Variants in LCORL observed in about 807,000 individuals in gnomAD.
LCORL encodes the protein ligand dependent nuclear receptor corepressor like, also known as ligand-dependent nuclear receptor corepressor-like protein.
In LCORL, 41 loss-of-function variants were observed where a neutral mutation model predicts 141.8. The ratio of observed to expected loss-of-function variants is 0.29; its 90% CI spans 0.23 to 0.38. LCORL has a LOEUF of 0.38. LCORL is among the 10% of genes least tolerant of loss of function. LCORL has a pLI of 1.00. For synonymous variants in LCORL, 618 were observed against 694.1 expected (o/e 0.89, Z 1.72); for missense variants, 1,759 against 2,035.0 (o/e 0.86, Z 2.61).
At chr4:17,853,049 AT>A (rs67695626) in intron 7 of LCORL, among the ~76,000 whole-genome samples, 74,260 of 125,062 alleles carry the variant, frequency 0.59, 23,330 homozygotes, top group Non-Finnish European at 0.73. Context: ...TAAAAGCTTG[AT>A]TTTTTTTTTT....
intron 2 of LCORL, among the ~76,000 whole-genome samples, chr4:17,964,397 A>G (rs1714443161): frequency 6.6e-6 from 1 of 152,146 alleles, no homozygotes; most frequent in Non-Finnish European, 1.5e-5. Flanking sequence ...TTTATAAACT[A>G]TGAAGCACCA....
At chr4:18,019,390 A>G (rs1725135369) in intron 1 of LCORL, among the ~76,000 whole-genome samples, 1 of 152,250 alleles carries the variant, frequency 6.6e-6, no homozygotes, top group Non-Finnish European at 1.5e-5. Context: ...GGGCTTAATT[A>G]GGATGGAGAC....
At chr4:17,993,691 G>A (rs1720434810) in intron 1 of LCORL, among the ~76,000 whole-genome samples, 1 of 152,138 alleles carries the variant, frequency 6.6e-6, no homozygotes, top group Non-Finnish European at 1.5e-5. Context: ...GGAAAGTCTT[G>A]AAGAAGTCAA....
exon 7 of LCORL, chr4:17,874,841 A>G: frequency 8.1e-7 from 1 of 1,233,730 alleles, no homozygotes; most frequent in Non-Finnish European, 1.0e-6. Context: ...TATCTTTGTA[A>G]GCTATTTTCA....
intron 4 of LCORL, among the ~76,000 whole-genome samples, chr4:17,927,255 G>A (rs947746198): frequency 1.3e-5 from 2 of 152,098 alleles, no homozygotes; most frequent in African/African-American, 2.4e-5. Context: ...GGCCTCCAAC[G>A]AATTAAAGAG....
intron 5 of LCORL, among the ~76,000 whole-genome samples, chr4:17,889,110 T>C (rs1246789776): frequency 1.3e-5 from 2 of 152,086 alleles, no homozygotes; most frequent in Non-Finnish European, 2.9e-5. Flanking sequence ...AGCTCTCTAC[T>C]TGGGGCAATA....
chr4:17,899,850 T>C (rs972658299), intron 5 of LCORL, among the ~76,000 whole-genome samples: 4 of 152,278 alleles, frequency 2.6e-5, no homozygotes, highest in African/African-American at 7.2e-5. Context: ...TAAAATATTA[T>C]ATAAAATTAC....
At chr4:18,007,280 T>A (rs975357137) in intron 1 of LCORL, among the ~76,000 whole-genome samples, 1 of 152,118 alleles carries the variant, frequency 6.6e-6, no homozygotes, top group Admixed American at 6.6e-5. Context: ...GTTATGAAAA[T>A]CAAATAAATT....
chr4:17,985,041 G>T (rs575816227), intron 1 of LCORL, among the ~76,000 whole-genome samples: 22 of 152,024 alleles, frequency 1.4e-4, no homozygotes, highest in Admixed American at 4.6e-4. Flanking sequence ...TGCTATTCAA[G>T]AGCACGTTGT....
intron 4 of LCORL, among the ~76,000 whole-genome samples, chr4:17,939,512 C>T (rs969669447): frequency 1.3e-5 from 2 of 152,052 alleles, no homozygotes; most frequent in Non-Finnish European, 2.9e-5. Context: ...GAGACTTACA[C>T]AAGAATGTTC....
Position 17,956,148 on chromosome 4 carries a change from A to G in LCORL, c.430+5755T>C, listed in dbSNP as rs1415815475. Among the ~76,000 whole-genome samples the G allele has an allele frequency of 2.6e-5, 4 of 152,290 alleles. No homozygotes were observed. In the East Asian group the frequency reaches 7.7e-4, roughly 29 times the overall value. On this transcript the variant is annotated intron_variant, in intron 4 of 7. Transcript: ENST00000635767. ...CCAGTTAGACTGGGTATTATAAAAAAGACAAATAATAACAAATGCTGGCTT... is the reference window on the plus strand; with the variant it reads ...CCAGTTAGACTGGGTATTATAAAAAGGACAAATAATAACAAATGCTGGCTT...
intron 5 of LCORL, among the ~76,000 whole-genome samples, chr4:17,887,265 C>T (rs1728399011): frequency 6.6e-6 from 1 of 152,012 alleles, no homozygotes; most frequent in South Asian, 2.1e-4. Context: ...TTGTCATAGT[C>T]ATAGTGCTTA....
At chr4:17,960,958 T>C (rs982824315) in intron 4 of LCORL, among the ~76,000 whole-genome samples, 4 of 152,126 alleles carry the variant, frequency 2.6e-5, no homozygotes, top group Non-Finnish European at 4.4e-5. Flanking sequence ...TAAAAGAACT[T>C]AGAACACTTA....
At position 18,006,240 on chromosome 4, in the gene LCORL, T is replaced by C. The variant is rs867052987; in HGVS notation, c.154+15358A>G. Among the ~76,000 whole-genome samples, 5 of 152,150 alleles carry C rather than the reference T, an allele frequency of 3.3e-5. No homozygotes were observed. The South Asian group carries it at 8.3e-4, about 25-fold the overall frequency. ...TAAAAAGAGTCACCTTTGCTCCAGT[T>C]CCCAACAAGTTCTTCATCCCCATCT... On this transcript the variant is annotated intron_variant, in intron 1 of 7. Coordinates refer to ENST00000635767, the Ensembl canonical transcript of LCORL.
At chr4:17,954,829 A>G (rs763361287) in intron 4 of LCORL, among the ~76,000 whole-genome samples, 31 of 152,196 alleles carry the variant, frequency 2.0e-4, no homozygotes, top group Admixed American at 3.9e-4. Flanking sequence ...GATACCTTTC[A>G]CAAAGATGGA....
At chr4:18,009,758 A>G (rs1723392800) in intron 1 of LCORL, among the ~76,000 whole-genome samples, 1 of 151,814 alleles carries the variant, frequency 6.6e-6, no homozygotes, top group African/African-American at 2.4e-5. Flanking sequence ...CACAGATACC[A>G]TATCACCCTG....
chr4:17,953,724 CA>C (rs2109552718), intron 4 of LCORL, among the ~76,000 whole-genome samples: 1 of 152,316 alleles, frequency 6.6e-6, no homozygotes, highest in East Asian at 1.9e-4. Context: ...TAAATGCACT[CA>C]ATTAACTGAT....
intron 5 of LCORL, among the ~76,000 whole-genome samples, chr4:17,908,772 T>C (rs1386847814): frequency 1.3e-5 from 2 of 152,170 alleles, no homozygotes; most frequent in African/African-American, 4.8e-5. Context: ...GCTTACTGTT[T>C]TCAGCTTTCC....
intron 7 of LCORL, among the ~76,000 whole-genome samples, chr4:17,866,506 T>C (rs899299604): frequency 7.2e-5 from 11 of 152,150 alleles, no homozygotes; most frequent in African/African-American, 2.7e-4. Flanking sequence ...AGTTTATAGG[T>C]ACAGGCTTTT....
Sources: allele counts gnomAD v4.1 joint callset (sites outside exome capture counted in the v4.1 genomes callset), GRCh38; gene constraint gnomAD v4.1.1; transcripts MANE v1.5; gene names NCBI Gene and HGNC (gene_info 2026-07-23, HGNC 2026-07-21).